Variants in MACROD2 observed in about 807,000 individuals in gnomAD.
MACROD2 encodes ADP-ribose glycohydrolase MACROD2.
Under a neutral mutation model 70.4 loss-of-function variants are expected in MACROD2, and 36 were observed. The observed-to-expected ratio is 0.51, with a 90% CI of 0.39 to 0.68. MACROD2 has a LOEUF of 0.68. Ranked by LOEUF, MACROD2 falls within the 30% of genes least tolerant of loss-of-function variation. MACROD2 has a pLI of 0.00. For synonymous variants in MACROD2, 172 were observed against 178.8 expected (o/e 0.96, Z 0.30); for missense variants, 496 against 538.4 (o/e 0.92, Z 0.78).
chr20:15,105,141 T>C (rs1284142961), intron 5 of MACROD2, among the ~76,000 whole-genome samples: 1 of 152,088 alleles, frequency 6.6e-6, no homozygotes, highest in East Asian at 1.9e-4. Flanking sequence ...GGAAATTTGT[T>C]CATGTGGAAC....
At chr20:14,728,910 A>G (rs534377803) in intron 5 of MACROD2, among the ~76,000 whole-genome samples, 1 of 152,282 alleles carries the variant, frequency 6.6e-6, no homozygotes, top group South Asian at 2.1e-4. Flanking sequence ...TATTAAAATA[A>G]ACATTATGGT....
intron 5 of MACROD2, among the ~76,000 whole-genome samples, chr20:15,064,108 T>C (rs1007507253): frequency 2.7e-4 from 41 of 152,200 alleles, no homozygotes; most frequent in African/African-American, 9.4e-4. Context: ...TACAGCCTGC[T>C]GCCCCCTTTT....
At chr20:15,133,054 G>T (rs145792746) in intron 5 of MACROD2, among the ~76,000 whole-genome samples, 1 of 152,124 alleles carries the variant, frequency 6.6e-6, no homozygotes. Context: ...AATTCCAGAT[G>T]GAAGAAAGTA....
At chr20:15,508,537 GTAGT>G (rs2047458054) in intron 8 of MACROD2, among the ~76,000 whole-genome samples, 1 of 152,154 alleles carries the variant, frequency 6.6e-6, no homozygotes, top group Non-Finnish European at 1.5e-5. Context: ...TCTCTTCAAG[GTAGT>G]TATTTTAAAA....
chr20:14,510,662 A>G (rs963521765), intron 4 of MACROD2, among the ~76,000 whole-genome samples: 1 of 152,116 alleles, frequency 6.6e-6, no homozygotes, highest in African/African-American at 2.4e-5. Context: ...AGACCCAAAA[A>G]TGGAATAACC....
At chr20:14,653,563 C>G (rs1985806414) in intron 4 of MACROD2, among the ~76,000 whole-genome samples, 1 of 151,422 alleles carries the variant, frequency 6.6e-6, no homozygotes, top group South Asian at 2.1e-4. Context: ...CTTATGTTGC[C>G]CAGGCTGGTT....
rs76780545 is a variant in MACROD2 at position 15,132,508 on chromosome 20, T to C, written c.419-97432T>C. On this transcript the variant is annotated intron_variant, in intron 5 of 17. Transcript: ENST00000684519. Reference sequence around the variant, plus strand: ...AGGCCATACACGGAAATGAAACATATATTAGACCTCAAAGAAAACTTTTAT... The same window carrying C: ...AGGCCATACACGGAAATGAAACATACATTAGACCTCAAAGAAAACTTTTAT... 1.0e-3 allele frequency among the ~76,000 whole-genome samples: 152 copies of C among 152,056 alleles called. 1 individual carries two copies. Among genetic ancestry groups the C allele is most frequent in the African/African-American group, 3.1e-3 (130 of 41,544 alleles).
chr20:14,012,486 G>A (rs2052925301), intron 2 of MACROD2, among the ~76,000 whole-genome samples: 1 of 152,200 alleles, frequency 6.6e-6, no homozygotes, highest in Non-Finnish European at 1.5e-5. Context: ...CATAGCTGTA[G>A]TGATGCAAAT....
In MACROD2 at chr20:15,287,264, A is replaced by G. The variant is rs146150514; in HGVS notation, c.540+57203A>G. 4.4e-3 allele frequency among the ~76,000 whole-genome samples: 672 copies of G among 152,346 alleles called. 7 individuals are homozygous for G. Among genetic ancestry groups the G allele is most frequent in the African/African-American group, 0.016 (649 of 41,590 alleles). Reference sequence around the variant, plus strand: ...GCTATTTTCTCAATAAATATTGTATACATGTGCTTTGTCAATTAACTTTTT... The same window carrying G: ...GCTATTTTCTCAATAAATATTGTATGCATGTGCTTTGTCAATTAACTTTTT... On this transcript the variant is annotated intron_variant, in intron 6 of 17. Transcript: ENST00000684519.
chr20:14,831,780 CAAAAA>C (rs71190151), intron 5 of MACROD2, among the ~76,000 whole-genome samples: 18 of 37,174 alleles, frequency 4.8e-4, no homozygotes, highest in African/African-American at 1.3e-3. Context: ...AACTCCGTCT[CAAAAA>C]AAAAAAAAAA....
chr20:15,510,023 C>T (rs1167960917), intron 8 of MACROD2, among the ~76,000 whole-genome samples: 2 of 152,230 alleles, frequency 1.3e-5, no homozygotes, highest in Non-Finnish European at 2.9e-5. Flanking sequence ...TTACCAACCC[C>T]CATATGGGTG....
At chr20:14,935,921 A>G (rs1036315501) in intron 5 of MACROD2, among the ~76,000 whole-genome samples, 1 of 152,168 alleles carries the variant, frequency 6.6e-6, no homozygotes, top group Non-Finnish European at 1.5e-5. Context: ...GATTTGAATC[A>G]TGTCCATCAA....
chr20:15,186,610 A>T (rs1416224260), intron 5 of MACROD2, among the ~76,000 whole-genome samples: 2 of 152,188 alleles, frequency 1.3e-5, no homozygotes, highest in African/African-American at 4.8e-5. Flanking sequence ...TTATTGGGTT[A>T]AATCTGGTAA....
At chr20:14,982,653 G>A (rs916214051) in intron 5 of MACROD2, among the ~76,000 whole-genome samples, 2 of 152,212 alleles carry the variant, frequency 1.3e-5, no homozygotes, top group African/African-American at 4.8e-5. Context: ...TCCACATGGT[G>A]TTGAGCCTTG....
intron 9 of MACROD2, among the ~76,000 whole-genome samples, chr20:15,871,829 A>G (rs1178897028): frequency 3.3e-5 from 5 of 152,212 alleles, no homozygotes; most frequent in African/African-American, 9.6e-5. Flanking sequence ...TTGTCAATGT[A>G]TTATGCAATT....
chr20:14,939,519 A>G (rs1480059989), intron 5 of MACROD2, among the ~76,000 whole-genome samples: 1 of 151,996 alleles, frequency 6.6e-6, no homozygotes, highest in Non-Finnish European at 1.5e-5. Flanking sequence ...AAAGTTGGGT[A>G]GTGTGATGCT....
intron 8 of MACROD2, among the ~76,000 whole-genome samples, chr20:15,640,300 G>T (rs1196279318): frequency 6.6e-6 from 1 of 151,996 alleles, no homozygotes; most frequent in East Asian, 1.9e-4. Context: ...AAGGAGAGAG[G>T]ATAGAGAGAG....
At chr20:14,399,019 GTAT>G (rs2083609520) in intron 3 of MACROD2, among the ~76,000 whole-genome samples, 1 of 141,470 alleles carries the variant, frequency 7.1e-6, no homozygotes, top group African/African-American at 2.6e-5. Context: ...GCCTCAATGA[GTAT>G]TTTTTTTTTT....
At chr20:14,487,043 G>A (rs1211819400) in intron 3 of MACROD2, among the ~76,000 whole-genome samples, 1 of 152,198 alleles carries the variant, frequency 6.6e-6, no homozygotes, top group African/African-American at 2.4e-5. Context: ...TGAGGGCATA[G>A]CAGTGAACAT....
Sources: gnomAD v4.1 joint callset for allele counts (sites outside exome capture counted in the v4.1 genomes callset) on GRCh38, gnomAD v4.1.1 for gene constraint, MANE v1.5 for transcripts, NCBI Gene and HGNC (gene_info 2026-07-23, HGNC 2026-07-21) for gene names.